Variants in ANO1 observed in about 807,000 individuals in gnomAD.
ANO1 encodes the protein anoctamin-1.
In ANO1, 59 loss-of-function variants were observed where a neutral mutation model predicts 124.0. The ratio of observed to expected loss-of-function variants is 0.48; its 90% CI spans 0.39 to 0.59. The LOEUF (loss-of-function observed/expected upper bound fraction) is 0.59. ANO1 is among the 20% of genes least tolerant of loss of function. The probability of loss-of-function intolerance (pLI) is 0.00; values close to 1 mark genes in which losing one functional copy is unlikely to be tolerated. For missense variants in ANO1, 1,059 were observed against 1,328.0 expected (o/e 0.80, Z 3.15); for synonymous variants, 529 against 532.0 (o/e 0.99, Z 0.08).
intron 1 of ANO1, chr11:70,065,457 T>C (rs1857693383): frequency 6.6e-6 from 1 of 152,592 alleles, no homozygotes. Flanking sequence ...TCAGACAGCA[T>C]CGGTCCCCTG....
At chr11:70,113,126 C>T (rs916803713) in intron 7 of ANO1, among the ~76,000 whole-genome samples, 1 of 152,014 alleles carries the variant, frequency 6.6e-6, no homozygotes, top group Admixed American at 6.5e-5. Flanking sequence ...TTCCCCGCCC[C>T]ACCCCACCCC....
At chr11:70,055,468 T>C (rs1555006718) in intron 1 of ANO1, among the ~76,000 whole-genome samples, 1 of 152,048 alleles carries the variant, frequency 6.6e-6, no homozygotes. Context: ...ATATATTTAT[T>C]TGATATTTCT....
chr11:70,181,256 C>T (rs765947789), intron 23 of ANO1, among the ~76,000 whole-genome samples: 8 of 152,176 alleles, frequency 5.3e-5, no homozygotes, highest in Non-Finnish European at 1.2e-4. Context: ...AGCTGACGGT[C>T]GACGCCCCTG....
At chr11:69,973,383 G>C in the ANO1 span, among the ~76,000 whole-genome samples, 1 of 152,188 alleles carries the variant, frequency 6.6e-6, no homozygotes, top group Non-Finnish European at 1.5e-5. Flanking sequence ...GCGTCCGAGG[G>C]ATCGGAGGTG....
At chr11:69,989,535 G>A (rs1554997215) in intron 1 of ANO1, among the ~76,000 whole-genome samples, 1 of 152,046 alleles carries the variant, frequency 6.6e-6, no homozygotes, top group South Asian at 2.1e-4. Flanking sequence ...AGGTATGGAA[G>A]GTGTGGAGCC....
chr11:69,967,843 G>T, the ANO1 span, among the ~76,000 whole-genome samples: 1 of 152,334 alleles, frequency 6.6e-6, no homozygotes, highest in South Asian at 2.1e-4. Context: ...CTAGCCCGAG[G>T]CCTGCCCTGT....
intron 1 of ANO1, among the ~76,000 whole-genome samples, chr11:70,050,736 G>A (rs924345368): frequency 1.3e-5 from 2 of 152,188 alleles, no homozygotes; most frequent in Non-Finnish European, 1.5e-5. Flanking sequence ...GGCAGAAGAC[G>A]TGGTATTTGA....
At chr11:69,976,244 T>A in the ANO1 span, among the ~76,000 whole-genome samples, 3 of 152,116 alleles carry the variant, frequency 2.0e-5, no homozygotes. Context: ...CTAAGAAGGC[T>A]CACGCCTGTA....
chr11:70,003,381 G>C (rs141220571), intron 1 of ANO1, among the ~76,000 whole-genome samples: 1,682 of 152,292 alleles, frequency 0.011, 16 homozygotes, highest in Non-Finnish European at 0.014. Flanking sequence ...GGTCCCACTG[G>C]TCTCAGGACA....
Position 70,105,607 on chromosome 11 carries a change from C to T in ANO1, c.693-127C>T, listed in dbSNP as rs575724950. The T allele has an allele frequency of 3.2e-4, 275 of 850,040 alleles. 1 individual carries two copies. The African/African-American group carries it at 4.1e-3, about 13-fold the overall frequency. The allele number at this position is 850,040 out of a possible 1,614,324, so 52.7% of individuals were successfully genotyped here. The stretch of plus-strand genomic sequence containing the variant: ...GGGCGGACGGGTCATACCTGGCGTG[C>T]GGACAGAGTTCTGTCCATTTCACGG... On this transcript the variant is annotated intron_variant, in intron 4 of 25. Transcript: ENST00000355303.
chr11:70,117,676 T>G (rs1304260213), intron 8 of ANO1, among the ~76,000 whole-genome samples: 1 of 152,180 alleles, frequency 6.6e-6, no homozygotes, highest in Non-Finnish European at 1.5e-5. Flanking sequence ...ACCCTGCATG[T>G]GCAGCCCTTG....
chr11:70,161,372 C>T lies in ANO1; in HGVS notation c.1780+10C>T, dbSNP rs112891405. The stretch of plus-strand genomic sequence containing the variant: ...TGGCTCACCAAGATCGGTGAGTGCC[C>T]ATGTTCCAGGTACTGTGGCCTGGAC... On this transcript the variant is annotated intron_variant, in intron 17 of 25. Transcript: ENST00000355303. The T allele has an allele frequency of 8.6e-3, 13,816 of 1,613,238 alleles. 141 individuals carry two copies. Among genetic ancestry groups the T allele is most frequent in the Middle Eastern group, 0.04 (243 of 6,056 alleles).
intron 1 of ANO1, among the ~76,000 whole-genome samples, chr11:69,988,360 C>G (rs1027069029): frequency 1.1e-4 from 16 of 152,188 alleles, no homozygotes; most frequent in African/African-American, 3.1e-4. Flanking sequence ...CGCCTGCAGC[C>G]CTGTGCCCTC....
intron 11 of ANO1, among the ~76,000 whole-genome samples, chr11:70,139,836 C>T (rs2047084104): frequency 6.6e-6 from 1 of 152,182 alleles, no homozygotes; most frequent in South Asian, 2.1e-4. Flanking sequence ...ATCTTGAGCC[C>T]CAAATACCTG....
At chr11:70,118,243 C>T (rs2046075116) in intron 8 of ANO1, among the ~76,000 whole-genome samples, 1 of 150,802 alleles carries the variant, frequency 6.6e-6, no homozygotes, top group South Asian at 2.1e-4. Context: ...GGCTGCTTTT[C>T]TAGTCTCAGG....
intron 4 of ANO1, among the ~76,000 whole-genome samples, chr11:70,104,963 A>G (rs1215721382): frequency 6.6e-6 from 1 of 152,142 alleles, no homozygotes; most frequent in African/African-American, 2.4e-5. Flanking sequence ...TGATTCCTAG[A>G]GCGGACAGGA....
chr11:70,015,473 G>A lies in ANO1; in HGVS notation c.58+29307G>A, dbSNP rs141518134. Among the ~76,000 whole-genome samples, 180 of 152,260 alleles carry A rather than the reference G, an allele frequency of 1.2e-3. 1 individual carries two copies. The highest frequency in any genetic ancestry group is 3.1e-3 in the East Asian group (16 of 5,154). On this transcript the variant is annotated intron_variant, in intron 1 of 27. Coordinates refer to the ANO1 transcript ENST00000531349. Reference sequence around the variant, plus strand: ...ACCCGGCGTGCTCACTCACTGACCCGGAGGCAGCCCAGCCCTGGGCGGGTG... The same window carrying A: ...ACCCGGCGTGCTCACTCACTGACCCAGAGGCAGCCCAGCCCTGGGCGGGTG...
chr11:70,113,873 T>G (rs2135419095), intron 7 of ANO1, among the ~76,000 whole-genome samples: 1 of 152,248 alleles, frequency 6.6e-6, no homozygotes. Context: ...ACAGCCCCTT[T>G]GGAGGAGCTG....
intron 1 of ANO1, among the ~76,000 whole-genome samples, chr11:70,067,054 G>A (rs1565172973): frequency 6.6e-6 from 1 of 152,160 alleles, no homozygotes; most frequent in Non-Finnish European, 1.5e-5. Flanking sequence ...CCTTTTATTT[G>A]TATAAAAATG....
Sources: allele counts gnomAD v4.1 joint callset (sites outside exome capture counted in the v4.1 genomes callset), GRCh38; gene constraint gnomAD v4.1.1; transcripts MANE v1.5; gene names NCBI Gene and HGNC (gene_info 2026-07-23, HGNC 2026-07-21).